The following ABCB5 variants were observed in gnomAD, a reference collection of about 807,000 sequenced individuals.
ABCB5 encodes ATP-binding cassette sub-family B member 5.
ABCB5 carries 155 observed loss-of-function variants against 144.2 expected under a neutral mutation model. The ratio of observed to expected loss-of-function variants is 1.08; its 90% CI spans 0.94 to 1.23. The LOEUF is 1.23. Among genes scored for constraint, ABCB5 ranks in the 50% most tolerant of loss-of-function variants. The pLI, the probability that ABCB5 is intolerant of heterozygous loss-of-function variation, is 0.00. For missense variants in ABCB5, 1,830 were observed against 1,520.8 expected (o/e 1.20, Z -3.38); for synonymous variants, 610 against 528.6 (o/e 1.15, Z -2.11).
chr7:20,643,263 G>A lies in ABCB5; in HGVS notation c.394G>A (p.Ala132Thr). The A allele has an allele frequency of 6.2e-7, 1 of 1,613,822 alleles. No individual in the cohort carries two copies. Among genetic ancestry groups the A allele is most frequent in the Non-Finnish European group, 8.5e-7 (1 of 1,179,816 alleles). Reference sequence around the variant, plus strand: ...ACAGATTTCCTTGTGGATTATAACTGCAGCACGACAGACCAAGAGGATTCG... The same window carrying A: ...ACAGATTTCCTTGTGGATTATAACTACAGCACGACAGACCAAGAGGATTCG... ...YIQISLWIIT[A>T]ARQTKRIRKQ... is the part of the protein sequence containing the mutation. Residue 132 changes from alanine (A) to threonine (T), a missense_variant, in exon 6 of 28, where the codon GCA becomes ACA. By Grantham distance (58) the Ala-to-Thr change is moderately conservative. Coordinates refer to ENST00000404938, the MANE Select transcript of ABCB5 (RefSeq NM_001163941.2).
chr7:20,704,850 G>A (rs1786767304), intron 20 of ABCB5, 43 bp downstream of exon 20: 1 of 1,482,306 alleles, frequency 6.7e-7, no homozygotes, highest in Non-Finnish European at 9.4e-7. Context: ...TGTATGTGGT[G>A]TGCACACATG....
chr7:20,703,845 C>T (rs1386753657), intron 19 of ABCB5, among the ~76,000 whole-genome samples: 1 of 152,082 alleles, frequency 6.6e-6, no homozygotes, highest in Non-Finnish European at 1.5e-5. Flanking sequence ...GTAATTTTGA[C>T]GTGACTCCTT....
chr7:20,648,884 T>C (rs1784494478), intron 11 of ABCB5, among the ~76,000 whole-genome samples: 1 of 152,216 alleles, frequency 6.6e-6, no homozygotes, highest in South Asian at 2.1e-4. Context: ...AATTACCGAT[T>C]ACCATTATTG....
chr7:20,668,682 GC>G (rs1785324050), intron 14 of ABCB5, among the ~76,000 whole-genome samples: 1 of 141,382 alleles, frequency 7.1e-6, no homozygotes, highest in African/African-American at 2.7e-5. Context: ...GAAGTGAGGA[GC>G]CCCTCTGCCC....
intron 20 of ABCB5, among the ~76,000 whole-genome samples, chr7:20,721,331 T>C (rs1022032445): frequency 1.3e-5 from 2 of 152,220 alleles, no homozygotes; most frequent in African/African-American, 4.8e-5. Flanking sequence ...TTTCCTCATC[T>C]ATTGTACGGG....
chr7:20,702,583 G>T (rs1786665048), intron 19 of ABCB5, among the ~76,000 whole-genome samples: 1 of 150,336 alleles, frequency 6.7e-6, no homozygotes, highest in Non-Finnish European at 1.5e-5. Flanking sequence ...CAACTTGAAA[G>T]TTTAAAAAAC....
chr7:20,623,371 C>A, intron 2 of ABCB5, 33 bp downstream of exon 2: 1 of 1,496,990 alleles, frequency 6.7e-7, no homozygotes, highest in Non-Finnish European at 9.1e-7. Flanking sequence ...AAGTATGCTT[C>A]CACAACTTCA....
intron 20 of ABCB5, among the ~76,000 whole-genome samples, chr7:20,714,619 C>T (rs920863733): frequency 1.3e-5 from 2 of 152,078 alleles, no homozygotes; most frequent in Admixed American, 1.3e-4. Context: ...GGCTTGTTCT[C>T]GGTCGCACTG....
intron 7 of ABCB5, among the ~76,000 whole-genome samples, 189 bp from the exon 8 acceptor site, chr7:20,645,567 G>A (rs1468439571): frequency 6.6e-5 from 10 of 152,214 alleles, no homozygotes; most frequent in Non-Finnish European, 1.3e-4. Flanking sequence ...GTCACCAATA[G>A]TGATATTTTC....
Position 20,650,084 on chromosome 7 carries a change from T to C in ABCB5, c.1269T>C (p.Asn423=), listed in dbSNP as rs1681230422. ...AGACAGTCGCCTTGGTCGGTCTCAA[T>C]GGCAGTGGGAAGAGTACGGTAGTCC... ...SGETVALVGL[N]GSGKSTVVQL... is the part of the protein sequence containing the mutation. Residue 423 remains asparagine (N), a synonymous_variant, in exon 12 of 28, where the codon AAT becomes AAC. Coordinates refer to ENST00000404938, the MANE Select transcript of ABCB5 (RefSeq NM_001163941.2). The C allele has an allele frequency of 1.2e-6, 2 of 1,613,670 alleles. No individual in the cohort carries two copies. The highest frequency in any genetic ancestry group is 1.3e-5 in the African/African-American group (1 of 75,026).
At position 20,750,383 on chromosome 7, in the gene ABCB5, TACACAC is replaced by T. The variant is rs3033674; in HGVS notation, c.3430-2945_3430-2940del. Among the ~76,000 whole-genome samples the T allele has an allele frequency of 2.7e-3, 380 of 140,962 alleles. 2 individuals are homozygous for T. Among genetic ancestry groups the T allele is most frequent in the Admixed American group, 3.1e-3 (44 of 13,980 alleles). The allele number at this position is 140,962 out of a possible 152,430, so 92.5% of individuals were successfully genotyped here. On this transcript the variant is annotated intron_variant, in intron 26 of 27. Transcript: ENST00000404938. ...TGATGAGAGTCCAAAGGCTTCCCCC[TACACAC>T]ACACACACACACACACACACACACA...
At chr7:20,628,578 A>G in intron 3 of ABCB5, 110 bp from the exon 4 acceptor site, 1 of 1,071,266 alleles carries the variant, frequency 9.3e-7, no homozygotes, top group Non-Finnish European at 1.3e-6. Context: ...TAATGTATAA[A>G]GTCATGTTTA....
intron 14 of ABCB5, among the ~76,000 whole-genome samples, chr7:20,665,774 T>G (rs947587629): frequency 3.5e-4 from 47 of 135,456 alleles, no homozygotes; most frequent in African/African-American, 8.8e-4. Flanking sequence ...TAGAGATACA[T>G]ACATACATAC....
intron 27 of ABCB5, among the ~76,000 whole-genome samples, 164 bp downstream of exon 27, chr7:20,753,670 G>A (rs1237310263): frequency 6.6e-6 from 1 of 152,202 alleles, no homozygotes; most frequent in African/African-American, 2.4e-5. Context: ...AAGGTCAGTA[G>A]GTGGTGGGGA....
intron 11 of ABCB5, 54 bp downstream of exon 11, chr7:20,648,132 G>A: frequency 2.8e-6 from 3 of 1,072,532 alleles, no homozygotes; most frequent in Non-Finnish European, 4.2e-6. Context: ...ATCTTCTACT[G>A]GCCAAGATCT....
chr7:20,626,854 G>GGTGTGCGT lies in ABCB5; in HGVS notation c.108+248_108+249insCGTGTGTG, dbSNP rs1554278225. On this transcript the variant is annotated intron_variant, in intron 3 of 27. Transcript: ENST00000404938. Reference sequence around the variant, plus strand: ...CTCAGTGTTTTAAAAGTGTTTTTGGGGTGTGTGTGTGTGTGTGTGTGTGTG... The same window carrying GGTGTGCGT: ...CTCAGTGTTTTAAAAGTGTTTTTGGGGTGTGCGTGTGTGTGTGTGTGTGTGTGTGTGTG... Among the ~76,000 whole-genome samples, 244 of 143,756 alleles carry GGTGTGCGT rather than the reference G, an allele frequency of 1.7e-3. 1 individual carries two copies. The highest frequency in any genetic ancestry group is 6.1e-3 in the African/African-American group (236 of 38,866). 94.3% of individuals were successfully genotyped at this position (143,756 alleles called of 152,430 possible).
Position 20,681,529 on chromosome 7 carries a change from G to A in ABCB5, c.1732G>A (p.Val578Met), listed in dbSNP as rs114238979. Residue 578 changes from valine (V) to methionine (M), a missense_variant, in exon 15 of 28, where the codon GTG (valine) becomes ATG (methionine). By Grantham distance (21) the Val-to-Met change is conservative (BLOSUM62 1). Transcript: ENST00000404938. Reference sequence around the variant, plus strand: ...GGCGAGCAAAGGTCGGACTACAATCGTGGTAGCACACCGACTTTCTACTAT... The same window carrying A: ...GGCGAGCAAAGGTCGGACTACAATCATGGTAGCACACCGACTTTCTACTAT... ...EKASKGRTTI[V>M]VAHRLSTIRS... 1,041 of 1,614,106 alleles carry A rather than the reference G, an allele frequency of 6.4e-4. 4 individuals carry two copies. In the African/African-American group the frequency reaches 0.012, roughly 19 times the overall value.
intron 15 of ABCB5, among the ~76,000 whole-genome samples, chr7:20,682,031 C>T (rs1785849106): frequency 6.6e-6 from 1 of 152,042 alleles, no homozygotes; most frequent in Non-Finnish European, 1.5e-5. Context: ...ATGGTGAAAC[C>T]TTGTCTCTCA....
At chr7:20,737,293 C>T (rs2128053845) in intron 23 of ABCB5, among the ~76,000 whole-genome samples, 1 of 152,302 alleles carries the variant, frequency 6.6e-6, no homozygotes, top group South Asian at 2.1e-4. Context: ...ACTTACGTTT[C>T]TCTCAGCACT....
Sources: allele counts gnomAD v4.1 joint callset (sites outside exome capture counted in the v4.1 genomes callset), GRCh38; gene constraint gnomAD v4.1.1; transcripts MANE v1.5; gene names NCBI Gene and HGNC (gene_info 2026-07-23, HGNC 2026-07-21).